The following MYO7B variants were observed in gnomAD, a reference collection of about 807,000 sequenced individuals.
MYO7B encodes myosin VIIB, also known as unconventional myosin-VIIb.
In MYO7B, 212 loss-of-function variants were observed where a neutral mutation model predicts 259.7. The ratio of observed to expected loss-of-function variants is 0.82; its 90% CI spans 0.73 to 0.91. MYO7B has a LOEUF of 0.91. Among genes scored for constraint, MYO7B ranks in the 40% least tolerant of loss-of-function variants. The probability of loss-of-function intolerance (pLI) is 0.00; values close to 1 mark genes in which losing one functional copy is unlikely to be tolerated. For missense variants in MYO7B, 2,732 were observed against 2,813.5 expected (o/e 0.97, Z 0.66); for synonymous variants, 1,197 against 1,166.4 (o/e 1.03, Z -0.54).
intron 21 of MYO7B, among the ~76,000 whole-genome samples, chr2:127,608,389 G>T (rs1680240619): frequency 6.6e-6 from 1 of 152,314 alleles, no homozygotes; most frequent in Non-Finnish European, 1.5e-5. Flanking sequence ...CCTGAGCAGT[G>T]GTTGTGCAGC....
intron 15 of MYO7B, among the ~76,000 whole-genome samples, chr2:127,589,758 ATGGG>A (rs1309875962): frequency 2.4e-4 from 16 of 67,696 alleles, no homozygotes; most frequent in Non-Finnish European, 3.1e-4. Flanking sequence ...GGAAGGATGG[ATGGG>A]TGGGTGGGTG....
In MYO7B at chr2:127,586,671, A is replaced by G. The variant is rs1679318123; in HGVS notation, c.1691-1721A>G. On this transcript the variant is annotated intron_variant, in intron 14 of 47. Coordinates refer to ENST00000409816, the MANE Select transcript of MYO7B (RefSeq NM_001393586.1). The surrounding 1 kb of genome is among the most constrained non-coding windows in gnomAD (Gnocchi z 4.8). Reference sequence around the variant, plus strand: ...TCAAGGCTGAGTTTTATTTTTTGAAATGATAGGAAACTTACATAATGCTAA... The same window carrying G: ...TCAAGGCTGAGTTTTATTTTTTGAAGTGATAGGAAACTTACATAATGCTAA... 6.6e-6 allele frequency among the ~76,000 whole-genome samples: 1 copy of G among 152,210 alleles called. No individual in the cohort carries two copies. The highest frequency in any genetic ancestry group is 2.1e-4 in the South Asian group (1 of 4,832).
Position 127,584,688 on chromosome 2 carries a change from C to T in MYO7B, c.1555-90C>T. ...GCCCTCAATCATTCTGAGCCCAGAT[C>T]TCTTTGCCTCCATGAGGAAGTCCCT... is the stretch of plus-strand genomic sequence containing the variant. On this transcript the variant is annotated intron_variant, in intron 13 of 47. Coordinates refer to ENST00000409816, the MANE Select transcript of MYO7B (RefSeq NM_001393586.1). This position sits in a 1 kb window ranked among gnomAD's most constrained non-coding sequence, Gnocchi z 5.8. 1 of 1,477,104 alleles carries T rather than the reference C, an allele frequency of 6.8e-7. No homozygotes were observed. The highest frequency in any genetic ancestry group is 9.3e-7 in the Non-Finnish European group (1 of 1,079,082). 91.5% of individuals were successfully genotyped at this position (1,477,104 alleles called of 1,614,324 possible).
At chr2:127,625,896 T>C in intron 31 of MYO7B, 1 of 223,558 alleles carries the variant, frequency 4.5e-6, no homozygotes, top group Non-Finnish European at 8.7e-6. Flanking sequence ...TGCCTGCCTC[T>C]GGGCCTCAGC....
In MYO7B at chr2:127,611,757, A is replaced by T. The variant is rs1680395743; in HGVS notation, c.3193-493A>T. On this transcript the variant is annotated intron_variant, in intron 24 of 47. Transcript: ENST00000409816. This position sits in a 1 kb window ranked among gnomAD's most constrained non-coding sequence, Gnocchi z 5.4. ...GAGAGCAACAGATCGTAGTGGCTGC[A>T]GCCAGTCCCTCCCTCCTACCTGGCC... Among the ~76,000 whole-genome samples the T allele has an allele frequency of 6.6e-6, 1 of 152,190 alleles. No homozygotes were observed. Among genetic ancestry groups the T allele is most frequent in the African/African-American group, 2.4e-5 (1 of 41,470 alleles).
rs765691317 is a variant in MYO7B at position 127,636,539 on chromosome 2, T to C, written c.6124-6T>C. On this transcript the variant is annotated splice_polypyrimidine_tract_variant and splice_region_variant and intron_variant, in intron 45 of 47. Coordinates refer to ENST00000409816, the MANE Select transcript of MYO7B (RefSeq NM_001393586.1). The surrounding 1 kb of genome is among the most constrained non-coding windows in gnomAD (Gnocchi z 4.5). ...GGACTATGACCGCCGTGTCCCTCCC[T>C]CCCAGCAAACCTCGGAGCCTTCCTA... 1 of 1,608,678 alleles carries C rather than the reference T, an allele frequency of 6.2e-7. No homozygotes were observed. Among genetic ancestry groups the C allele is most frequent in the Non-Finnish European group, 8.5e-7 (1 of 1,177,656 alleles).
intron 38 of MYO7B, 86 bp from the exon 39 acceptor site, chr2:127,632,160 C>G: frequency 6.8e-7 from 1 of 1,470,580 alleles, no homozygotes; most frequent in Admixed American, 2.3e-5. Flanking sequence ...CCAGGCAGCT[C>G]TCACATCCGT....
rs1330423422 is a variant in MYO7B at position 127,628,362 on chromosome 2, TCATCTC to T, written c.4461-7_4461-2del. The stretch of plus-strand genomic sequence containing the variant: ...AGGGGGCTCCTGGTCACGCTGTCCT[TCATCTC>T]CAGGGAGGCCCAGGGCGGGCAGAGG... On this transcript the variant is annotated splice_region_variant and splice_polypyrimidine_tract_variant and intron_variant, in intron 33 of 47. Coordinates refer to ENST00000409816, the MANE Select transcript of MYO7B (RefSeq NM_001393586.1). This position sits in a 1 kb window ranked among gnomAD's most constrained non-coding sequence, Gnocchi z 4.8. 2.7e-5 allele frequency: 43 copies of T among 1,595,472 alleles called. No homozygotes were observed. Among genetic ancestry groups the T allele is most frequent in the Non-Finnish European group, 3.7e-5 (43 of 1,173,708 alleles).
intron 6 of MYO7B, among the ~76,000 whole-genome samples, chr2:127,573,426 C>T (rs1573639165): frequency 6.6e-6 from 1 of 152,214 alleles, no homozygotes; most frequent in Admixed American, 6.5e-5. Flanking sequence ...CTTCCGTGTG[C>T]CCTGGCCTGG....
At chr2:127,563,691 G>A (rs914568728) in intron 2 of MYO7B, among the ~76,000 whole-genome samples, 2 of 152,140 alleles carry the variant, frequency 1.3e-5, no homozygotes, top group African/African-American at 4.8e-5. Context: ...TACAGCTGGG[G>A]CCACCTTTTC....
intron 21 of MYO7B, among the ~76,000 whole-genome samples, chr2:127,608,192 C>G (rs2105027661): frequency 6.6e-6 from 1 of 152,348 alleles, no homozygotes; most frequent in Non-Finnish European, 1.5e-5. Flanking sequence ...GTCTACTAAG[C>G]ACACTGCTAA....
At position 127,632,332 on chromosome 2, in the gene MYO7B, AGTTTATAGACACTCGGAGGGG is replaced by A; in HGVS notation, c.5338_5358del (p.Phe1780_Gly1786del). 2.5e-6 allele frequency: 4 copies of A among 1,608,316 alleles called. No individual in the cohort carries two copies. Among genetic ancestry groups the A allele is most frequent in the Non-Finnish European group, 2.5e-6 (3 of 1,177,946 alleles). ...AAGGGGCTGCTGCCCCATGCCCAGAAGTTTATAGACACTCGGAGGGGGAAGCTGCTGGCCCCCGACTGCAGC... is the reference window on the plus strand; with the variant it reads ...AAGGGGCTGCTGCCCCATGCCCAGAAGAAGCTGCTGGCCCCCGACTGCAGC... On this transcript the variant is annotated inframe_deletion, in exon 39 of 48. Coordinates refer to ENST00000409816, the MANE Select transcript of MYO7B (RefSeq NM_001393586.1).
rs370097871 is a variant in MYO7B at position 127,608,866 on chromosome 2, G to A, written c.2802G>A (p.Ser934=). Residue 934 remains serine (S), a synonymous_variant, in exon 22 of 48, where the codon TCG becomes TCA. Coordinates refer to ENST00000409816, the MANE Select transcript of MYO7B (RefSeq NM_001393586.1). Reference sequence around the variant, plus strand: ...TTGGGGGCCAGGAGGGCCAGGCCTCGCCGCACTTTGAGGTAACACAAGCCT... The same window carrying A: ...TTGGGGGCCAGGAGGGCCAGGCCTCACCGCACTTTGAGGTAACACAAGCCT... ...AMIGGQEGQA[S]PHFEDLESKT... is the part of the protein sequence containing the mutation. 1.0e-4 allele frequency: 166 copies of A among 1,612,340 alleles called. 1 individual carries two copies. Among genetic ancestry groups the A allele is most frequent in the South Asian group, 1.3e-4 (12 of 90,872 alleles).
intron 27 of MYO7B, among the ~76,000 whole-genome samples, chr2:127,621,211 A>G (rs146016713): frequency 4.6e-5 from 7 of 150,580 alleles, no homozygotes; most frequent in African/African-American, 1.5e-4. Flanking sequence ...AAGAACTTCA[A>G]TGTGTTTTCT....
At chr2:127,570,226 G>T (rs545653835) in intron 6 of MYO7B, among the ~76,000 whole-genome samples, 1 of 152,224 alleles carries the variant, frequency 6.6e-6, no homozygotes, top group South Asian at 2.1e-4. Context: ...TGCTGGAACT[G>T]AACTGGAAAG....
chr2:127,585,792 A>T lies in MYO7B; in HGVS notation c.1690+879A>T, dbSNP rs994463395. 3.3e-5 allele frequency among the ~76,000 whole-genome samples: 5 copies of T among 152,164 alleles called. No homozygotes were observed. Among genetic ancestry groups the T allele is most frequent in the African/African-American group, 1.2e-4 (5 of 41,440 alleles). ...CTACCCTAGTGGGTTTGAAGTCTCA[A>T]TGTGATTTGCATCTGCATCCCCCGA... On this transcript the variant is annotated intron_variant, in intron 14 of 47. Transcript: ENST00000409816. The surrounding 1 kb of genome is among the most constrained non-coding windows in gnomAD (Gnocchi z 4.3).
At chr2:127,632,121 G>A in intron 38 of MYO7B, 125 bp from the exon 39 acceptor site, 1 of 1,147,254 alleles carries the variant, frequency 8.7e-7, no homozygotes, top group Admixed American at 2.8e-5. Flanking sequence ...CAGCCTGGCA[G>A]GTGCCCTCCC....
At chr2:127,594,992 T>A (rs1383347785) in intron 18 of MYO7B, among the ~76,000 whole-genome samples, 2 of 152,212 alleles carry the variant, frequency 1.3e-5, no homozygotes, top group Non-Finnish European at 2.9e-5. Context: ...CCTCATAGAA[T>A]GAGTCAGGGA....
rs61745600 is a variant in MYO7B, at chr2:127,624,314, C to T, written c.4041C>T (p.Phe1347=). 1,183 of 1,572,634 alleles carry T rather than the reference C, an allele frequency of 7.5e-4. 10 individuals are homozygous for T. In the African/African-American group the frequency reaches 0.011, roughly 15 times the overall value. Residue 1347 remains phenylalanine, a synonymous_variant, in exon 30 of 48, where the codon TTC becomes TTT. Coordinates refer to ENST00000409816, the MANE Select transcript of MYO7B (RefSeq NM_001393586.1). ...GAGTCTGGTCTGGCGAGTACAGCTT[C>T]GAGAAGGTGAGGGGCCTGAGAGCCA... ...LRGVWSGEYS[F]EKEEELVELL...
Sources: allele counts gnomAD v4.1 joint callset (sites outside exome capture counted in the v4.1 genomes callset), GRCh38; gene constraint gnomAD v4.1.1; non-coding constraint Gnocchi (gnomAD v3.1); transcripts MANE v1.5; gene names NCBI Gene and HGNC (gene_info 2026-07-23, HGNC 2026-07-21).